The following NSMAF variants were observed in gnomAD, a reference collection of about 807,000 sequenced individuals.
NSMAF encodes the protein neutral sphingomyelinase activation associated factor.
A neutral mutation model predicts 134.9 loss-of-function variants in NSMAF; 90 were observed. That is an observed-to-expected ratio of 0.67 (90% CI 0.56 to 0.79). The LOEUF (loss-of-function observed/expected upper bound fraction) is 0.79, where lower values mean the gene tolerates loss of function less well. Among genes scored for constraint, NSMAF ranks in the 30% least tolerant of loss-of-function variants. The pLI is 0.00. For missense variants in NSMAF, 1,010 were observed against 1,119.0 expected (o/e 0.90, Z 1.39); for synonymous variants, 358 against 389.6 (o/e 0.92, Z 0.96).
intron 23 of NSMAF, 94 bp from the exon 24 acceptor site, chr8:58,591,028 C>T: frequency 7.2e-7 from 1 of 1,391,642 alleles, no homozygotes; most frequent in South Asian, 1.3e-5. Context: ...TGGTGGCCAA[C>T]AGTACACTTT....
At chr8:58,633,010 C>T (rs1807090722) in intron 5 of NSMAF, among the ~76,000 whole-genome samples, 1 of 152,182 alleles carries the variant, frequency 6.6e-6, no homozygotes, top group Non-Finnish European at 1.5e-5. Context: ...CACTTGGATT[C>T]CTGGAACACC....
chr8:58,602,139 T>C lies in NSMAF; in HGVS notation c.1046-2A>G. ...GGAAGGTTCCTGGATTTGACAAATC[T>C]ATAAACATAAATCAATAAATAACTT... On this transcript the variant is annotated splice_acceptor_variant, in intron 13 of 30. Transcript: ENST00000038176. LOFTEE classifies it high-confidence loss of function. 1 of 1,609,568 alleles carries C rather than the reference T, an allele frequency of 6.2e-7. No individual in the cohort carries two copies. The highest frequency in any genetic ancestry group is 8.5e-7 in the Non-Finnish European group (1 of 1,176,138).
Position 58,635,497 on chromosome 8 carries a change from G to A in NSMAF, c.199C>T (p.Pro67Ser). Reference sequence around the variant, plus strand: ...ATGATGGGCTGGGATATTGAATCTGGTTCAAAAATCACCGATTTTGAACAT... The same window carrying A: ...ATGATGGGCTGGGATATTGAATCTGATTCAAAAATCACCGATTTTGAACAT... Reference protein sequence around the residue: ...KICSKSVIFEPDSISQPIIKI... With the variant: ...KICSKSVIFESDSISQPIIKI... Residue 67 changes from proline to serine, a missense_variant, in exon 3 of 31, where the codon CCA becomes TCA. Pro to Ser is a moderately conservative substitution (Grantham distance 74). Coordinates refer to ENST00000038176, the MANE Select transcript of NSMAF (RefSeq NM_003580.4). The A allele has an allele frequency of 6.2e-7, 1 of 1,606,296 alleles. No homozygotes were observed. Among genetic ancestry groups the A allele is most frequent in the Non-Finnish European group, 8.5e-7 (1 of 1,177,272 alleles).
At chr8:58,613,919 G>C (rs1422044676) in intron 9 of NSMAF, among the ~76,000 whole-genome samples, 1 of 152,146 alleles carries the variant, frequency 6.6e-6, no homozygotes, top group Non-Finnish European at 1.5e-5. Flanking sequence ...ATTTTTGAGT[G>C]CATTTCGGAC....
rs756713967 is a variant in NSMAF, at chr8:58,637,037, CACA to C, written c.150-1494_150-1492del. ...GATTATACACACACACACACACACACACACCCACACACAAACACACATATTTAT... is the reference window on the plus strand; with the variant it reads ...GATTATACACACACACACACACACACCCCACACACAAACACACATATTTAT... On this transcript the variant is annotated intron_variant, in intron 2 of 30. Transcript: ENST00000038176. 1.2e-3 allele frequency among the ~76,000 whole-genome samples: 176 copies of C among 150,676 alleles called. 1 individual carries two copies. The highest frequency in any genetic ancestry group is 2.1e-3 in the East Asian group (11 of 5,180).
At chr8:58,640,335 A>G (rs1807305407) in intron 2 of NSMAF, among the ~76,000 whole-genome samples, 1 of 152,208 alleles carries the variant, frequency 6.6e-6, no homozygotes, top group African/African-American at 2.4e-5. Flanking sequence ...CATCAATTAT[A>G]TCTCAATAAA....
At chr8:58,595,167 T>A (rs1012629884) in intron 22 of NSMAF, among the ~76,000 whole-genome samples, 3 of 152,236 alleles carry the variant, frequency 2.0e-5, no homozygotes, top group Non-Finnish European at 2.9e-5. Context: ...CTAATTTTTT[T>A]AAAAGGTGCC....
chr8:58,647,680 A>G (rs1455159110), intron 1 of NSMAF, among the ~76,000 whole-genome samples: 2 of 152,076 alleles, frequency 1.3e-5, no homozygotes, highest in African/African-American at 4.8e-5. Context: ...CATGGGATAC[A>G]CCTGCTCCCA....
chr8:58,592,859 C>G (rs1037084695), intron 23 of NSMAF, among the ~76,000 whole-genome samples: 1 of 151,712 alleles, frequency 6.6e-6, no homozygotes, highest in African/African-American at 2.4e-5. Context: ...TGCCCTCCAG[C>G]CTGGGCGACG....
At chr8:58,617,204 A>G (rs898410045) in intron 9 of NSMAF, among the ~76,000 whole-genome samples, 7 of 152,188 alleles carry the variant, frequency 4.6e-5, no homozygotes, top group South Asian at 2.1e-4. Context: ...AACCATAAAA[A>G]CCCTAGAAGA....
chr8:58,626,406 T>C (rs1231630376), intron 6 of NSMAF, among the ~76,000 whole-genome samples: 1 of 152,152 alleles, frequency 6.6e-6, no homozygotes, highest in Admixed American at 6.5e-5. Context: ...ATTATATAAT[T>C]CTTATGTCTT....
chr8:58,632,032 C>G (rs1807066762), intron 5 of NSMAF, among the ~76,000 whole-genome samples: 1 of 152,184 alleles, frequency 6.6e-6, no homozygotes, highest in African/African-American at 2.4e-5. Flanking sequence ...GTGACACCAT[C>G]TACCAGAGCC....
intron 1 of NSMAF, 60 bp downstream of exon 1, chr8:58,659,513 G>A: frequency 6.6e-7 from 1 of 1,505,900 alleles, no homozygotes; most frequent in Non-Finnish European, 8.9e-7. Context: ...TCCGGCCGGC[G>A]TCCCCACGAC....
intron 9 of NSMAF, among the ~76,000 whole-genome samples, chr8:58,620,983 T>C (rs757848329): frequency 6.6e-6 from 1 of 152,174 alleles, no homozygotes; most frequent in Non-Finnish European, 1.5e-5. Context: ...AGGGTACATA[T>C]GCAGGTTTGT....
At chr8:58,653,399 T>G (rs969791792) in intron 1 of NSMAF, among the ~76,000 whole-genome samples, 1 of 151,998 alleles carries the variant, frequency 6.6e-6, no homozygotes. Context: ...ATTATCAAAA[T>G]GAATCATTTA....
At chr8:58,598,490 CAAA>C (rs71250204) in intron 19 of NSMAF, among the ~76,000 whole-genome samples, 2,044 of 125,614 alleles carry the variant, frequency 0.016, 11 homozygotes, top group African/African-American at 0.06. Context: ...CTGTCTCAAA[CAAA>C]AAAAAAAAAA....
At chr8:58,649,105 G>T (rs913556465) in intron 1 of NSMAF, among the ~76,000 whole-genome samples, 1 of 152,322 alleles carries the variant, frequency 6.6e-6, no homozygotes, top group Admixed American at 6.5e-5. Flanking sequence ...AGCCACAGAG[G>T]CAGAGCTGCC....
Position 58,590,074 on chromosome 8 carries a change from C to G in NSMAF, c.2020G>C (p.Ala674Pro), listed in dbSNP as rs1805988447. 2 of 1,612,130 alleles carry G rather than the reference C, an allele frequency of 1.2e-6. No individual in the cohort carries two copies. The highest frequency in any genetic ancestry group is 1.1e-5 in the South Asian group (1 of 91,034). The change falls in exon 25 of 31, where the codon GCT (alanine) becomes CCT (proline). Residue 674 changes from alanine (A) to proline (P), a missense_variant and splice_region_variant. Ala to Pro is a conservative substitution (Grantham distance 27, BLOSUM62 -1). Coordinates refer to ENST00000038176, the MANE Select transcript of NSMAF (RefSeq NM_003580.4). ...LQRSISFSNM[A>P]LSSCLLLPGD... ...GGTAAAAGTAAACAAGACGATAAAG[C>G]CTGAAATACAAATGATTTGACGTTA...
At chr8:58,654,090 T>C (rs1438349921) in intron 1 of NSMAF, among the ~76,000 whole-genome samples, 1 of 152,226 alleles carries the variant, frequency 6.6e-6, no homozygotes, top group African/African-American at 2.4e-5. Flanking sequence ...TTGGGACCTA[T>C]CGGCATTCCT....
Sources: allele counts gnomAD v4.1 joint callset (sites outside exome capture counted in the v4.1 genomes callset), GRCh38; gene constraint gnomAD v4.1.1; transcripts MANE v1.5; gene names NCBI Gene and HGNC (gene_info 2026-07-23, HGNC 2026-07-21).